Variants in CTNND2 observed in about 807,000 individuals in gnomAD.
The protein encoded by CTNND2 is catenin delta-2.
Under a neutral mutation model 144.4 loss-of-function variants are expected in CTNND2, and 22 were observed. The observed-to-expected ratio is 0.15, with a 90% CI of 0.11 to 0.22. The LOEUF (loss-of-function observed/expected upper bound fraction) is 0.22. CTNND2 is among the 10% of genes least tolerant of loss of function. The pLI, the probability that CTNND2 is intolerant of heterozygous loss-of-function variation, is 1.00. For missense variants in CTNND2, 1,353 were observed against 1,618.8 expected (o/e 0.84, Z 2.82); for synonymous variants, 751 against 695.6 (o/e 1.08, Z -1.25).
chr5:11,144,279 T>C (rs955930561), intron 12 of CTNND2, among the ~76,000 whole-genome samples: 5 of 152,208 alleles, frequency 3.3e-5, no homozygotes, highest in Non-Finnish European at 7.3e-5. Flanking sequence ...GTCCTAAACT[T>C]GGGAGAAGAA....
intron 1 of CTNND2, among the ~76,000 whole-genome samples, chr5:11,829,426 T>G (rs889397546): frequency 1.8e-4 from 27 of 152,280 alleles, no homozygotes; most frequent in East Asian, 7.7e-4. Context: ...CTATGCTGTG[T>G]ACAGCCTAGG....
chr5:11,879,844 G>A (rs1250901769), intron 1 of CTNND2, among the ~76,000 whole-genome samples: 3 of 152,118 alleles, frequency 2.0e-5, no homozygotes, highest in Non-Finnish European at 4.4e-5. Context: ...CATCCTCTGG[G>A]CATATGGAAG....
rs78746477 is a variant in CTNND2 at position 11,377,933 on chromosome 5, C to T, written c.1177+6732G>A. 6.7e-3 allele frequency among the ~76,000 whole-genome samples: 1,021 copies of T among 152,204 alleles called. 11 individuals are homozygous for T. The highest frequency in any genetic ancestry group is 0.023 in the African/African-American group (974 of 41,514). ...TACCATTTCTGTTGAGTTCTGGACC[C>T]GTAGGCAGATGAATGCTATTAGACT... On this transcript the variant is annotated intron_variant, in intron 7 of 21. Transcript: ENST00000304623.
chr5:11,177,538 T>C (rs141872271), intron 11 of CTNND2, among the ~76,000 whole-genome samples: 149 of 152,120 alleles, frequency 9.8e-4, no homozygotes, highest in African/African-American at 3.5e-3. Context: ...TCAAAATATA[T>C]GTATAAAATA....
At chr5:11,417,982 C>T (rs943717203) in intron 3 of CTNND2, among the ~76,000 whole-genome samples, 2 of 151,796 alleles carry the variant, frequency 1.3e-5, no homozygotes, top group Non-Finnish European at 1.5e-5. Flanking sequence ...ATGGAAAATG[C>T]ATATTATGAA....
intron 2 of CTNND2, among the ~76,000 whole-genome samples, chr5:11,690,668 G>A (rs1296683353): frequency 6.8e-6 from 1 of 146,886 alleles, no homozygotes; most frequent in African/African-American, 2.6e-5. Context: ...CCCGGGAAGT[G>A]GAGCTTGCAG....
intron 2 of CTNND2, among the ~76,000 whole-genome samples, chr5:11,646,315 TATA>T (rs1400210893): frequency 2.6e-5 from 4 of 152,234 alleles, no homozygotes; most frequent in African/African-American, 9.6e-5. Flanking sequence ...GTATTCATTT[TATA>T]ATGAGGCAAA....
intron 2 of CTNND2, chr5:11,588,664 C>T (rs1350370766): frequency 1.4e-6 from 1 of 723,364 alleles, no homozygotes; most frequent in African/African-American, 1.9e-5. Flanking sequence ...TTAAAATTAT[C>T]ACAAAAACAA....
intron 2 of CTNND2, among the ~76,000 whole-genome samples, chr5:11,604,102 A>C (rs1779936323): frequency 1.3e-5 from 2 of 152,176 alleles, no homozygotes; most frequent in African/African-American, 4.8e-5. Flanking sequence ...AAGAACACAG[A>C]AATTTACTAT....
At chr5:10,986,692 G>C (rs1212968498) in intron 20 of CTNND2, 1 of 456,238 alleles carries the variant, frequency 2.2e-6, no homozygotes, top group Admixed American at 2.3e-5. Flanking sequence ...CTCAGGAGCA[G>C]CGCTGAGGTG....
chr5:11,061,315 C>T lies in CTNND2; in HGVS notation c.2788+21381G>A, dbSNP rs140861636. Among the ~76,000 whole-genome samples, 890 of 152,312 alleles carry T rather than the reference C, an allele frequency of 5.8e-3. 6 individuals carry two copies. The highest frequency in any genetic ancestry group is 0.021 in the African/African-American group (853 of 41,560). ...TCTTATCTACTGTCTAGTGTTCAAC[C>T]AGCAGCCGGAGAGGACTTTTAGTAA... On this transcript the variant is annotated intron_variant, in intron 16 of 21. Transcript: ENST00000304623.
chr5:11,146,328 G>A (rs1363148439), intron 12 of CTNND2, among the ~76,000 whole-genome samples: 3 of 152,152 alleles, frequency 2.0e-5, no homozygotes, highest in Non-Finnish European at 4.4e-5. Context: ...CTAGGGGAGG[G>A]GGCAGACTGG....
chr5:11,445,940 A>T (rs1365143799), intron 3 of CTNND2, among the ~76,000 whole-genome samples: 1 of 152,208 alleles, frequency 6.6e-6, no homozygotes, highest in Non-Finnish European at 1.5e-5. Context: ...ATCAGATACC[A>T]AAATAAGGGG....
At chr5:11,523,587 T>C in intron 3 of CTNND2, among the ~76,000 whole-genome samples, 1 of 152,220 alleles carries the variant, frequency 6.6e-6, no homozygotes, top group Non-Finnish European at 1.5e-5. Flanking sequence ...CCACGTTTCT[T>C]CAGAGAAGAA....
At chr5:11,071,832 A>G (rs962620867) in intron 16 of CTNND2, among the ~76,000 whole-genome samples, 12 of 152,220 alleles carry the variant, frequency 7.9e-5, no homozygotes, top group Admixed American at 3.3e-4. Flanking sequence ...ACTCCCTGGC[A>G]AAGTATCAAT....
chr5:11,306,239 G>A (rs1318997235), intron 9 of CTNND2, among the ~76,000 whole-genome samples: 1 of 152,210 alleles, frequency 6.6e-6, no homozygotes, highest in East Asian at 1.9e-4. Context: ...TAGGATGTGC[G>A]TGTGGAGGTG....
chr5:11,761,739 C>T lies in CTNND2; in HGVS notation c.38-29467G>A, dbSNP rs143482009. On this transcript the variant is annotated intron_variant, in intron 1 of 21. Coordinates refer to ENST00000304623, the MANE Select transcript of CTNND2 (RefSeq NM_001332.4). ...AACTCTGTTTTGGCTGTAAAAGACT[C>T]CATCAGGTTTTCAAGTAGCATAGGA... 1.1e-3 allele frequency among the ~76,000 whole-genome samples: 173 copies of T among 152,186 alleles called. 1 individual carries two copies. Among genetic ancestry groups the T allele is most frequent in the African/African-American group, 4.0e-3 (165 of 41,522 alleles).
At chr5:11,339,641 A>C (rs965009654) in intron 9 of CTNND2, among the ~76,000 whole-genome samples, 1 of 152,128 alleles carries the variant, frequency 6.6e-6, no homozygotes, top group Non-Finnish European at 1.5e-5. Context: ...CACAAATGTG[A>C]TGCATTAGGA....
intron 1 of CTNND2, among the ~76,000 whole-genome samples, chr5:11,881,440 T>TA (rs1475120820): frequency 6.6e-6 from 1 of 152,030 alleles, no homozygotes; most frequent in Non-Finnish European, 1.5e-5. Context: ...CCCTCCCCAC[T>TA]ATCCTTCTCA....
Sources: gnomAD v4.1 joint callset for allele counts (sites outside exome capture counted in the v4.1 genomes callset) on GRCh38, gnomAD v4.1.1 for gene constraint, MANE v1.5 for transcripts, NCBI Gene and HGNC (gene_info 2026-07-23, HGNC 2026-07-21) for gene names.